Variants in ACLY observed in about 807,000 individuals in gnomAD.
ACLY encodes the protein ATP-citrate synthase.
ACLY carries 41 observed loss-of-function variants against 133.0 expected under a neutral mutation model. The observed-to-expected ratio is 0.31, with a 90% CI of 0.24 to 0.40. The LOEUF (loss-of-function observed/expected upper bound fraction) is 0.40. Among genes scored for constraint, ACLY ranks in the 10% least tolerant of loss-of-function variants. ACLY has a pLI of 1.00. For synonymous variants in ACLY, 495 were observed against 549.3 expected (o/e 0.90, Z 1.38); for missense variants, 1,046 against 1,453.8 (o/e 0.72, Z 4.56).
At chr17:41,897,074 G>A (rs1311076306) in intron 13 of ACLY, among the ~76,000 whole-genome samples, 2 of 152,182 alleles carry the variant, frequency 1.3e-5, no homozygotes, top group African/African-American at 4.8e-5. Flanking sequence ...CCCGTGCCAT[G>A]GACAAGGATG....
chr17:41,878,227 T>C (rs782694260), intron 21 of ACLY, 31 bp from the exon 22 acceptor site: 20 of 1,490,046 alleles, frequency 1.3e-5, no homozygotes, highest in Non-Finnish European at 1.7e-5. Flanking sequence ...GACATCCATG[T>C]GGATTTTCTT....
chr17:41,926,551 C>T lies in ACLY; in HGVS notation c.-28+3807G>A, dbSNP rs575945495. On this transcript the variant is annotated intron_variant, in intron 1 of 3. Coordinates refer to the ACLY transcript ENST00000592970. ...TTCCCCAGGCTGAAGTGCAATGGCA[C>T]GATCTTGGCTCACTGCAACCTCCAC... Among the ~76,000 whole-genome samples, 82 of 152,302 alleles carry T rather than the reference C, an allele frequency of 5.4e-4. 1 individual carries two copies. Among genetic ancestry groups the T allele is most frequent in the South Asian group, 2.1e-3 (10 of 4,828 alleles).
Position 41,893,183 on chromosome 17 carries a change from CAA to C in ACLY, c.1460-11_1460-10del. 2 of 1,610,332 alleles carry C rather than the reference CAA, an allele frequency of 1.2e-6. No individual in the cohort carries two copies. The highest frequency in any genetic ancestry group is 8.5e-7 in the Non-Finnish European group (1 of 1,177,796). On this transcript the variant is annotated splice_polypyrimidine_tract_variant and intron_variant, in intron 14 of 28. Coordinates refer to ENST00000352035, the MANE Select transcript of ACLY (RefSeq NM_001096.3). ...GAGGGTGGTGCTCTTTCCTGGTGGG[CAA>C]AGACACAGAGAGTGCACCCAGAACA... is the stretch of plus-strand genomic sequence containing the variant.
Position 41,913,772 on chromosome 17 carries a change from G to C in ACLY, c.102C>G (p.Val34=). The part of the protein sequence containing the change: ...AIQNRFKYAR[V]TPDTDWARLL... ...AGCGGGCCCAGTCTGTGTCAGGAGT[G>C]ACCCGAGCATACTTGAACCGATTCT... The change falls in exon 2 of 29, where the codon GTC becomes GTG. Residue 34 remains valine (V), a synonymous_variant. Transcript: ENST00000352035. The C allele has an allele frequency of 6.2e-7, 1 of 1,614,256 alleles. No individual in the cohort carries two copies. The highest frequency in any genetic ancestry group is 2.2e-5 in the East Asian group (1 of 44,882).
Position 41,906,512 on chromosome 17 carries a change from A to G in ACLY, c.866+16T>C. 1 of 1,610,718 alleles carries G rather than the reference A, an allele frequency of 6.2e-7. No individual in the cohort carries two copies. The highest frequency in any genetic ancestry group is 8.5e-7 in the Non-Finnish European group (1 of 1,177,150). On this transcript the variant is annotated intron_variant, in intron 8 of 28. Coordinates refer to ENST00000352035, the MANE Select transcript of ACLY (RefSeq NM_001096.3). ...TAGACTGGGCTGGCATCCCTTCAGC[A>G]ACCCCCTTCGGTCACCTGTACACGA...
intron 16 of ACLY, among the ~76,000 whole-genome samples, chr17:41,891,486 T>G (rs1428238071): frequency 6.6e-6 from 1 of 152,092 alleles, no homozygotes; most frequent in Non-Finnish European, 1.5e-5. Flanking sequence ...CACTGTAGCC[T>G]TGACCTCCCA....
At chr17:41,912,399 C>T (rs1245335645) in intron 3 of ACLY, 21 bp downstream of exon 3, 1 of 1,612,872 alleles carries the variant, frequency 6.2e-7, no homozygotes, top group Non-Finnish European at 8.5e-7. Context: ...ACACGTTCAT[C>T]CTGACCCCAT....
chr17:41,929,291 C>T (rs1314843113), intron 1 of ACLY, among the ~76,000 whole-genome samples: 2 of 152,090 alleles, frequency 1.3e-5, no homozygotes, highest in East Asian at 3.9e-4. Flanking sequence ...GACAGGGCTT[C>T]GCCATGTTGC....
chr17:41,893,911 G>A (rs2049286519), intron 14 of ACLY, among the ~76,000 whole-genome samples: 1 of 152,126 alleles, frequency 6.6e-6, no homozygotes, highest in Admixed American at 6.5e-5. Flanking sequence ...CCTCCAGTGG[G>A]CACTTAAGAG....
At chr17:41,907,203 T>C (rs1555632836) in intron 7 of ACLY, among the ~76,000 whole-genome samples, 1 of 152,050 alleles carries the variant, frequency 6.6e-6, no homozygotes, top group African/African-American at 2.4e-5. Flanking sequence ...ACAAATCAAG[T>C]GAAGAGTCGA....
chr17:41,875,576 C>A (rs563589839), intron 22 of ACLY, among the ~76,000 whole-genome samples: 7 of 152,126 alleles, frequency 4.6e-5, no homozygotes, highest in African/African-American at 1.2e-4. Flanking sequence ...CGAGTGCCTG[C>A]GATTGCAGGC....
At chr17:41,905,376 C>CT in intron 9 of ACLY, 146 bp downstream of exon 9, 1 of 1,112,842 alleles carries the variant, frequency 9.0e-7, no homozygotes, top group Non-Finnish European at 1.3e-6. Flanking sequence ...GTCAGAGAAA[C>CT]TGAGAGCCAA....
chr17:41,907,347 A>G (rs782606267), intron 7 of ACLY, 95 bp downstream of exon 7: 43 of 1,197,296 alleles, frequency 3.6e-5, no homozygotes, highest in Non-Finnish European at 4.8e-5. Flanking sequence ...TGCCAAATAA[A>G]CAGCTCATGA....
chr17:41,869,877 G>A (rs1277405157), intron 25 of ACLY, among the ~76,000 whole-genome samples: 1 of 152,194 alleles, frequency 6.6e-6, no homozygotes, highest in Non-Finnish European at 1.5e-5. Flanking sequence ...AGGTCCTACA[G>A]TGTTGAGCAG....
intron 1 of ACLY, among the ~76,000 whole-genome samples, chr17:41,924,072 G>T (rs2050213019): frequency 1.3e-5 from 2 of 152,076 alleles, no homozygotes; most frequent in South Asian, 4.2e-4. Context: ...GCATCCCAAT[G>T]TGCTGGGATT....
chr17:41,875,227 G>T (rs2048702537), intron 22 of ACLY, among the ~76,000 whole-genome samples: 1 of 151,830 alleles, frequency 6.6e-6, no homozygotes, highest in Non-Finnish European at 1.5e-5. Context: ...GTATGTGTCT[G>T]TAACCCCAGT....
chr17:41,900,909 G>A (rs1271251519), intron 11 of ACLY, among the ~76,000 whole-genome samples: 7 of 151,710 alleles, frequency 4.6e-5, no homozygotes, highest in Non-Finnish European at 7.4e-5. Flanking sequence ...TCACCATGGC[G>A]CTGCTCCCTC....
intron 1 of ACLY, among the ~76,000 whole-genome samples, 173 bp downstream of exon 1, chr17:41,918,707 C>G (rs2144441550): frequency 6.6e-6 from 1 of 152,316 alleles, no homozygotes; most frequent in East Asian, 1.9e-4. Flanking sequence ...ACGCGGCCAC[C>G]GGCCGGGACC....
chr17:41,888,722 G>A (rs34521322), intron 16 of ACLY, among the ~76,000 whole-genome samples: 2,134 of 152,118 alleles, frequency 0.014, 54 homozygotes, highest in African/African-American at 0.048. Context: ...CCGGTAGGAG[G>A]ATCAATTGAA....
Sources: allele counts gnomAD v4.1 joint callset (sites outside exome capture counted in the v4.1 genomes callset), GRCh38; gene constraint gnomAD v4.1.1; transcripts MANE v1.5; gene names NCBI Gene and HGNC (gene_info 2026-07-23, HGNC 2026-07-21).